Variants in TNS3 observed in about 807,000 individuals in gnomAD.
TNS3 encodes the protein tensin-3.
TNS3 carries 45 observed loss-of-function variants against 140.9 expected under a neutral mutation model. That is an observed-to-expected ratio of 0.32 (90% CI 0.25 to 0.41). The LOEUF is 0.41. Among genes scored for constraint, TNS3 ranks in the 10% least tolerant of loss-of-function variants. The pLI is 1.00. For missense variants in TNS3, 1,716 were observed against 1,906.7 expected, an observed-to-expected ratio of 0.90 and a Z score of 1.86; for synonymous variants, 815 against 788.4, an observed-to-expected ratio of 1.03 and a Z score of -0.56.
At chr7:47,441,893 C>T (rs889129229) in intron 5 of TNS3, 110 bp downstream of exon 5, 2 of 810,012 alleles carry the variant, frequency 2.5e-6, no homozygotes, top group African/African-American at 3.5e-5. Context: ...ACAACCAAAG[C>T]AGAAATTATG....
chr7:47,508,856 T>C (rs749435722), intron 2 of TNS3, among the ~76,000 whole-genome samples: 18 of 152,170 alleles, frequency 1.2e-4, no homozygotes, highest in Non-Finnish European at 2.4e-4. Context: ...GAGGCCCCCA[T>C]GGAGAGGAAC....
intron 16 of TNS3, among the ~76,000 whole-genome samples, chr7:47,380,643 G>T (rs1188079376): frequency 6.6e-6 from 1 of 152,110 alleles, no homozygotes; most frequent in East Asian, 1.9e-4. Context: ...GGAAGTCTTG[G>T]CAAGTTGGTA....
rs74719497 is a variant in TNS3 at position 47,368,158 on chromosome 7, C to T, written c.2281+207G>A. 7.9e-3 allele frequency among the ~76,000 whole-genome samples: 1,201 copies of T among 152,344 alleles called. 20 individuals carry two copies. The highest frequency in any genetic ancestry group is 0.032 in the Admixed American group (491 of 15,304). ...AGCAAGTCTTCTGCCTGGTTCTTCC[C>T]ATCCTCCAAATCTCCTACCAAGGGA... On this transcript the variant is annotated intron_variant, in intron 17 of 30. Coordinates refer to ENST00000311160, the MANE Select transcript of TNS3 (RefSeq NM_022748.12).
chr7:47,496,364 G>A (rs113837219), intron 3 of TNS3, among the ~76,000 whole-genome samples: 5,085 of 152,242 alleles, frequency 0.033, 280 homozygotes, highest in African/African-American at 0.12. Context: ...TGGAAGGAGG[G>A]ACGTTTCCCC....
chr7:47,334,908 G>A (rs1327645216), intron 20 of TNS3, among the ~76,000 whole-genome samples: 2 of 152,112 alleles, frequency 1.3e-5, no homozygotes, highest in African/African-American at 4.8e-5. Flanking sequence ...CGCCTGGCGA[G>A]AACCACGACT....
chr7:47,537,271 C>G (rs1799635338), intron 1 of TNS3, among the ~76,000 whole-genome samples: 1 of 152,080 alleles, frequency 6.6e-6, no homozygotes, highest in Non-Finnish European at 1.5e-5. Flanking sequence ...CCGTGGCCGC[C>G]GGCCCAGGTC....
intron 17 of TNS3, among the ~76,000 whole-genome samples, chr7:47,364,937 T>G (rs142387051): frequency 1.3e-5 from 2 of 152,216 alleles, no homozygotes; most frequent in African/African-American, 2.4e-5. Flanking sequence ...GACATCTTTT[T>G]AGTTCTGAAG....
At chr7:47,413,908 A>ACAGCAG (rs548858209) in intron 12 of TNS3, 29 bp downstream of exon 12, 2 of 1,599,838 alleles carry the variant, frequency 1.3e-6, no homozygotes, top group African/African-American at 1.3e-5. Context: ...AGGTCCCACA[A>ACAGCAG]CAGCAGCAGC....
chr7:47,295,104 G>A (rs1785931949), intron 24 of TNS3, among the ~76,000 whole-genome samples: 2 of 152,202 alleles, frequency 1.3e-5, no homozygotes, highest in African/African-American at 4.8e-5. Context: ...TGAAGACACA[G>A]CAGTCAGATA....
At chr7:47,397,432 C>A (rs1209959149) in intron 15 of TNS3, among the ~76,000 whole-genome samples, 1 of 152,202 alleles carries the variant, frequency 6.6e-6, no homozygotes, top group Non-Finnish European at 1.5e-5. Context: ...AACTCCCATG[C>A]ATGTGGATCT....
intron 24 of TNS3, among the ~76,000 whole-genome samples, chr7:47,294,993 G>A (rs1364527344): frequency 6.6e-6 from 1 of 152,190 alleles, no homozygotes; most frequent in Admixed American, 6.5e-5. Context: ...GTTTACTGGA[G>A]GTGGTATGGT....
chr7:47,398,883 T>A (rs1191439878), intron 15 of TNS3, among the ~76,000 whole-genome samples: 1 of 152,096 alleles, frequency 6.6e-6, no homozygotes, highest in Non-Finnish European at 1.5e-5. Context: ...GAATTAAAAC[T>A]GTTGCTATTT....
chr7:47,454,559 C>T (rs1796165998), intron 4 of TNS3, among the ~76,000 whole-genome samples: 4 of 152,110 alleles, frequency 2.6e-5, no homozygotes. Flanking sequence ...TGTTTCCAGT[C>T]CAACTCCCGC....
At chr7:47,541,065 C>G (rs887377306) in intron 1 of TNS3, among the ~76,000 whole-genome samples, 1 of 152,152 alleles carries the variant, frequency 6.6e-6, no homozygotes, top group East Asian at 1.9e-4. Context: ...ACCTCAGCCT[C>G]GGGCAACAGC....
intron 27 of TNS3, among the ~76,000 whole-genome samples, chr7:47,286,456 T>G (rs1197931753): frequency 2.6e-5 from 4 of 152,170 alleles, no homozygotes; most frequent in African/African-American, 9.7e-5. Flanking sequence ...TGCGCCTGCC[T>G]ATGATTGTCC....
chr7:47,490,911 G>T (rs1403749506), intron 3 of TNS3, among the ~76,000 whole-genome samples: 1 of 152,230 alleles, frequency 6.6e-6, no homozygotes, highest in Non-Finnish European at 1.5e-5. Context: ...CCAGACGAGT[G>T]TGTTGGGCAC....
chr7:47,380,192 G>A (rs928450142), intron 16 of TNS3, among the ~76,000 whole-genome samples: 3 of 152,226 alleles, frequency 2.0e-5, no homozygotes, highest in South Asian at 2.1e-4. Context: ...CCCCACAGCC[G>A]TACTGACAGC....
intron 28 of TNS3, among the ~76,000 whole-genome samples, chr7:47,283,299 C>T (rs1022587714): frequency 6.6e-6 from 1 of 152,200 alleles, no homozygotes; most frequent in African/African-American, 2.4e-5. Context: ...AGGTCATACG[C>T]TCACCTGAAA....
At chr7:47,310,543 A>C (rs1454279481) in intron 20 of TNS3, among the ~76,000 whole-genome samples, 1 of 152,138 alleles carries the variant, frequency 6.6e-6, no homozygotes, top group Non-Finnish European at 1.5e-5. Context: ...CAAATATTTA[A>C]TTGTAAAAAA....
Sources: gnomAD v4.1 joint callset for allele counts (sites outside exome capture counted in the v4.1 genomes callset) on GRCh38, gnomAD v4.1.1 for gene constraint, MANE v1.5 for transcripts, NCBI Gene and HGNC (gene_info 2026-07-23, HGNC 2026-07-21) for gene names.